NID1: variants seen among roughly 807,000 people sequenced by gnomAD.
The protein encoded by NID1 is nidogen-1.
Under a neutral mutation model 130.6 loss-of-function variants are expected in NID1, and 76 were observed. That is an observed-to-expected ratio of 0.58 (90% CI 0.48 to 0.70). The LOEUF (loss-of-function observed/expected upper bound fraction) is 0.70, where lower values mean the gene tolerates loss of function less well. Ranked by LOEUF, NID1 falls within the 30% of genes least tolerant of loss-of-function variation. The pLI is 0.00. For missense variants in NID1, 1,517 were observed against 1,664.8 expected (o/e 0.91, Z 1.54); for synonymous variants, 665 against 675.1 (o/e 0.98, Z 0.23).
intron 4 of NID1, among the ~76,000 whole-genome samples, chr1:236,039,615 A>G (rs1472189618): frequency 6.6e-6 from 1 of 152,212 alleles, no homozygotes; most frequent in Admixed American, 6.5e-5. Flanking sequence ...AATAATCCCG[A>G]GCAAATTAAT....
chr1:236,063,004 A>C (rs1352647900), intron 1 of NID1, among the ~76,000 whole-genome samples: 2 of 151,664 alleles, frequency 1.3e-5, no homozygotes, highest in Non-Finnish European at 2.9e-5. Flanking sequence ...AAATGCAAAA[A>C]TTAGCCAGGC....
chr1:236,014,070 A>G (rs1203062727), intron 10 of NID1, among the ~76,000 whole-genome samples: 1 of 152,176 alleles, frequency 6.6e-6, no homozygotes, highest in Non-Finnish European at 1.5e-5. Context: ...CCACCAAGGA[A>G]GGACAAATAA....
At chr1:236,064,736 C>A (rs112642160) in intron 1 of NID1, 119 bp downstream of exon 1, 3 of 841,912 alleles carry the variant, frequency 3.6e-6, no homozygotes, top group Non-Finnish European at 5.4e-6. Context: ...GTGCCCGGTG[C>A]CCCGGCGGCC....
chr1:236,011,696 G>A (rs113062465), intron 12 of NID1, among the ~76,000 whole-genome samples: 173 of 152,170 alleles, frequency 1.1e-3, no homozygotes, highest in African/African-American at 3.9e-3. Flanking sequence ...CTACTTTCCC[G>A]CCTCACCTTC....
intron 10 of NID1, among the ~76,000 whole-genome samples, chr1:236,016,154 AG>A (rs1435400917): frequency 2.6e-5 from 4 of 151,998 alleles, no homozygotes; most frequent in East Asian, 1.9e-4. Context: ...TTCCCTACTG[AG>A]GAAAAAAAAA....
intron 12 of NID1, among the ~76,000 whole-genome samples, chr1:236,010,488 G>C (rs1658376487): frequency 2.0e-5 from 3 of 151,986 alleles, no homozygotes; most frequent in African/African-American, 7.3e-5. Flanking sequence ...TGTAGAAACA[G>C]GGTCTCGCTA....
In NID1 at chr1:235,991,030, G is replaced by T. The variant is rs776442794; in HGVS notation, c.2784C>A (p.His928Gln). 2.2e-5 allele frequency: 35 copies of T among 1,606,050 alleles called. No homozygotes were observed. The highest frequency in any genetic ancestry group is 2.8e-5 in the Non-Finnish European group (33 of 1,176,202). ...PCLSTVAPPI[H>Q]QGPAVPTAVI... is the part of the protein sequence containing the mutation. ...CGGCGGTAGGCACCGCAGGTCCTTG[G>T]TGAATCGGGGGAGCCACTGTACTCA... The change falls in exon 14 of 20, where the codon CAC becomes CAA. Residue 928 changes from histidine (H) to glutamine (Q), a missense_variant. His to Gln is a conservative substitution (Grantham distance 24). This residue lies in a region of NID1 where 1,329 missense variants were observed against 1,429.2 expected (regional missense o/e 0.93). Coordinates refer to ENST00000264187, the MANE Select transcript of NID1 (RefSeq NM_002508.3).
chr1:235,980,333 C>T (rs1315750505), intron 17 of NID1, among the ~76,000 whole-genome samples, 163 bp downstream of exon 17: 2 of 152,144 alleles, frequency 1.3e-5, no homozygotes, highest in Non-Finnish European at 2.9e-5. Context: ...AATTTTGTAC[C>T]AGTATATATT....
chr1:236,040,810 C>G (rs10927319), intron 4 of NID1, among the ~76,000 whole-genome samples: 69,214 of 151,156 alleles, frequency 0.46, 16,195 homozygotes, highest in East Asian at 0.67. Context: ...ATTACAGATG[C>G]CTGCCACCAC....
intron 12 of NID1, among the ~76,000 whole-genome samples, chr1:236,010,300 C>CTTTTTT (rs551127579): frequency 9.3e-6 from 1 of 107,192 alleles, no homozygotes; most frequent in Non-Finnish European, 1.9e-5. Context: ...GCTATTTATA[C>CTTTTTT]TTTTTTTTTT....
intron 13 of NID1, among the ~76,000 whole-genome samples, chr1:235,991,346 T>C (rs979976251): frequency 6.6e-5 from 10 of 151,462 alleles, no homozygotes; most frequent in Admixed American, 6.6e-4. Flanking sequence ...CTCCCTCTTT[T>C]TTTTGAGACG....
At chr1:236,011,417 C>G (rs959195653) in intron 12 of NID1, among the ~76,000 whole-genome samples, 1 of 151,608 alleles carries the variant, frequency 6.6e-6, no homozygotes, top group Non-Finnish European at 1.5e-5. Flanking sequence ...ATTCTCATGC[C>G]TCAGCCTCCG....
At chr1:236,010,593 C>A (rs1189906997) in intron 12 of NID1, among the ~76,000 whole-genome samples, 2 of 152,246 alleles carry the variant, frequency 1.3e-5, no homozygotes, top group African/African-American at 4.8e-5. Context: ...AGCCATGGCA[C>A]CCAGCCTATT....
intron 13 of NID1, among the ~76,000 whole-genome samples, chr1:235,992,016 C>T (rs1368237765): frequency 1.3e-5 from 2 of 152,160 alleles, no homozygotes; most frequent in Non-Finnish European, 2.9e-5. Context: ...CGCCGGGCTC[C>T]TTGATTCACT....
intron 12 of NID1, among the ~76,000 whole-genome samples, chr1:236,002,676 G>A (rs1448358610): frequency 6.6e-6 from 1 of 152,200 alleles, no homozygotes; most frequent in African/African-American, 2.4e-5. Flanking sequence ...CATTGGTGAG[G>A]ACGGTTGCCT....
chr1:236,010,231 G>A (rs1052306561), intron 12 of NID1, among the ~76,000 whole-genome samples: 3 of 151,400 alleles, frequency 2.0e-5, no homozygotes, highest in Non-Finnish European at 1.5e-5. Flanking sequence ...AGGTTGCCTT[G>A]CCTAGGTTTA....
chr1:236,009,808 G>T (rs2102814498), intron 12 of NID1, among the ~76,000 whole-genome samples: 1 of 152,156 alleles, frequency 6.6e-6, no homozygotes, highest in East Asian at 1.9e-4. Context: ...AAAACTCAAT[G>T]AACATTCTTA....
chr1:235,997,025 G>A (rs1657946388), intron 12 of NID1, among the ~76,000 whole-genome samples: 1 of 151,906 alleles, frequency 6.6e-6, no homozygotes. Context: ...GTAGAAATGG[G>A]GTTTCACCAT....
At chr1:236,025,409 G>A (rs564861462) in intron 8 of NID1, among the ~76,000 whole-genome samples, 1 of 151,730 alleles carries the variant, frequency 6.6e-6, no homozygotes, top group Non-Finnish European at 1.5e-5. Flanking sequence ...TTTCAGGCAC[G>A]TGCCATCATG....
Sources: allele counts gnomAD v4.1 joint callset (sites outside exome capture counted in the v4.1 genomes callset), GRCh38; gene constraint gnomAD v4.1.1; regional missense constraint gnomAD v4.1.1; transcripts MANE v1.5; gene names NCBI Gene and HGNC (gene_info 2026-07-23, HGNC 2026-07-21).